Variants in CLK4 observed in about 807,000 individuals in gnomAD.
CLK4 encodes dual specificity protein kinase CLK4.
CLK4 carries 37 observed loss-of-function variants against 64.4 expected under a neutral mutation model. The ratio of observed to expected loss-of-function variants is 0.57; its 90% CI spans 0.44 to 0.76. The LOEUF (loss-of-function observed/expected upper bound fraction) is 0.76. CLK4 is among the 30% of genes least tolerant of loss of function. CLK4 has a pLI of 0.00. For synonymous variants in CLK4, 175 were observed against 191.6 expected, an observed-to-expected ratio of 0.91 and a Z score of 0.72; for missense variants, 457 against 605.1, an observed-to-expected ratio of 0.76 and a Z score of 2.57.
At position 178,617,109 on chromosome 5, in the gene CLK4, CAATT is replaced by C; in HGVS notation, c.476-165_476-162del. 1.5e-6 allele frequency: 1 copy of C among 652,704 alleles called. No homozygotes were observed. The highest frequency in any genetic ancestry group is 2.7e-6 in the Non-Finnish European group (1 of 370,736). 40.4% of individuals were successfully genotyped at this position (652,704 alleles called of 1,614,324 possible). On this transcript the variant is annotated intron_variant, in intron 4 of 12. Transcript: ENST00000316308. This position sits in a 1 kb window ranked among gnomAD's most constrained non-coding sequence, Gnocchi z 5.2. ...ATTTTAGTTTCAGCTGCTACAAAAA[CAATT>C]AGATAGAGCTATCTTTCTTGCTCTA...
intron 2 of CLK4, chr5:178,621,986 C>T (rs373435797): frequency 6.6e-6 from 1 of 152,274 alleles, no homozygotes; most frequent in East Asian, 1.9e-4. Context: ...ATGGTAAACG[C>T]TGACCACCAA....
chr5:178,622,521 T>A, intron 2 of CLK4: 27 of 605,164 alleles, frequency 4.5e-5, no homozygotes, highest in South Asian at 7.2e-5. Context: ...AATGAAAGAG[T>A]GAAAACTTAC....
chr5:178,615,204 T>A (rs1764611202), intron 5 of CLK4, among the ~76,000 whole-genome samples: 2 of 152,290 alleles, frequency 1.3e-5, no homozygotes, highest in Admixed American at 6.5e-5. Flanking sequence ...AAATTTTTTT[T>A]AAGATACATT....
intron 2 of CLK4, chr5:178,620,800 A>C: frequency 4.2e-6 from 1 of 238,526 alleles, no homozygotes; most frequent in South Asian, 4.3e-5. Context: ...AGGTTACAAC[A>C]CATGAGTGCT....
intron 1 of CLK4, among the ~76,000 whole-genome samples, chr5:178,625,594 A>G (rs1050274024): frequency 2.6e-5 from 4 of 151,966 alleles, no homozygotes; most frequent in Non-Finnish European, 4.4e-5. Context: ...TATTATTATG[A>G]CCCTCCATTA....
At chr5:178,620,283 C>A in intron 2 of CLK4, 1 of 243,008 alleles carries the variant, frequency 4.1e-6, no homozygotes, top group Non-Finnish European at 8.4e-6. Context: ...TAGACGTGAC[C>A]ATACTCTTAA....
At chr5:178,618,388 T>C in intron 3 of CLK4, 168 bp downstream of exon 3, 1 of 244,680 alleles carries the variant, frequency 4.1e-6, no homozygotes, top group Non-Finnish European at 7.4e-6. Context: ...ACAGATCAGC[T>C]ACAAGAATTT....
At position 178,618,728 on chromosome 5, in the gene CLK4, C is replaced by G; in HGVS notation, c.212G>C (p.Arg71Thr). The change falls in exon 3 of 13, where the codon AGA becomes ACA. Residue 71 changes from arginine to threonine, a missense_variant. Transcript: ENST00000316308. ...GTCATTCCTGTATTCGTCAACGTATCTCCGGTCCCGATAATCTCGCTCATT... is the reference window on the plus strand; with the variant it reads ...GTCATTCCTGTATTCGTCAACGTATGTCCGGTCCCGATAATCTCGCTCATT... The part of the protein sequence containing the change: ...SLNERDYRDR[R>T]YVDEYRNDYC... 6.2e-7 allele frequency: 1 copy of G among 1,613,876 alleles called. No individual in the cohort carries two copies. The highest frequency in any genetic ancestry group is 8.5e-7 in the Non-Finnish European group (1 of 1,179,890).
chr5:178,608,324 T>C, intron 10 of CLK4, 52 bp downstream of exon 10: 1 of 1,324,786 alleles, frequency 7.5e-7, no homozygotes, highest in Non-Finnish European at 1.1e-6. Context: ...AGCATACCTT[T>C]AACGTTTACA....
chr5:178,613,233 A>G (rs1283490959), intron 7 of CLK4, among the ~76,000 whole-genome samples: 2 of 152,174 alleles, frequency 1.3e-5, no homozygotes, highest in African/African-American at 4.8e-5. Context: ...CATCCTGGCT[A>G]ACACTGTGAA....
chr5:178,612,648 C>T (rs1581706960), intron 8 of CLK4, 103 bp from the exon 9 acceptor site: 3 of 1,311,174 alleles, frequency 2.3e-6, no homozygotes, highest in East Asian at 4.7e-5. Flanking sequence ...TCAAAGTAAG[C>T]TCATGAGAAA....
intron 5 of CLK4, among the ~76,000 whole-genome samples, chr5:178,614,822 T>A (rs1764604317): frequency 6.6e-6 from 1 of 152,234 alleles, no homozygotes; most frequent in Non-Finnish European, 1.5e-5. Context: ...TTTTTAATGC[T>A]TGGCATATAC....
intron 2 of CLK4, 32 bp downstream of exon 2, chr5:178,623,224 C>A: frequency 1.3e-6 from 2 of 1,585,176 alleles, no homozygotes; most frequent in South Asian, 1.1e-5. Context: ...ACTATTAGAG[C>A]TAAAATGCTA....
At chr5:178,605,595 A>G (rs924972274) in intron 10 of CLK4, among the ~76,000 whole-genome samples, 8 of 152,234 alleles carry the variant, frequency 5.3e-5, no homozygotes, top group African/African-American at 1.9e-4. Flanking sequence ...TTCACTTGTT[A>G]ACACTTACTA....
At chr5:178,612,307 T>C (rs1320176174) in intron 9 of CLK4, 109 bp downstream of exon 9, 1 of 988,762 alleles carries the variant, frequency 1.0e-6, no homozygotes, top group Non-Finnish European at 1.4e-6. Context: ...TAGAAAACGT[T>C]TTCTGAATCC....
In CLK4 at chr5:178,602,797, A is replaced by G. The variant is rs769005688; in HGVS notation, c.*820T>C. ...CACAGACATAAATTGCCTAATTAATAAACTTAATTCTTATAGGTTTACGTA... is the reference window on the plus strand; with the variant it reads ...CACAGACATAAATTGCCTAATTAATGAACTTAATTCTTATAGGTTTACGTA... On this transcript the variant is annotated 3_prime_UTR_variant, in exon 13 of 13. Coordinates refer to ENST00000316308, the MANE Select transcript of CLK4 (RefSeq NM_020666.3). The G allele has an allele frequency of 6.6e-6, 1 of 152,248 alleles. No homozygotes were observed. Among genetic ancestry groups the G allele is most frequent in the Non-Finnish European group, 1.5e-5 (1 of 68,052 alleles). The allele number at this position is 152,248 out of a possible 1,614,324, so 9.4% of individuals were successfully genotyped here.
In CLK4 at chr5:178,613,727, A is replaced by G. The variant is rs1764589605; in HGVS notation, c.659T>C (p.Phe220Ser). 1 of 1,611,146 alleles carries G rather than the reference A, an allele frequency of 6.2e-7. No homozygotes were observed. Residue 220 changes from phenylalanine (F) to serine (S), a missense_variant and splice_region_variant, in exon 6 of 13, where the codon TTC (phenylalanine) becomes TCC (serine). Transcript: ENST00000316308. ...HLNSTDPNSV[F>S]RCVQMLEWFD... ...GCTCCTAGGTGAAAGTTATACTTACAAGACACTATTGGGATCAGTACTATT... is the reference window on the plus strand; with the variant it reads ...GCTCCTAGGTGAAAGTTATACTTACGAGACACTATTGGGATCAGTACTATT...
At chr5:178,615,308 T>C (rs1764612845) in intron 5 of CLK4, among the ~76,000 whole-genome samples, 1 of 152,228 alleles carries the variant, frequency 6.6e-6, no homozygotes. Flanking sequence ...GCAGATTAGT[T>C]GGCAAAATTT....
Position 178,602,917 on chromosome 5 carries a change from A to G in CLK4, c.*700T>C, listed in dbSNP as rs958096516. On this transcript the variant is annotated 3_prime_UTR_variant, in exon 13 of 13. Transcript: ENST00000316308. The stretch of plus-strand genomic sequence containing the variant: ...ACCTCTCATCAGAATTTCTATTTTT[A>G]TATCTGTGACTCACCAAACATACTT... 6.6e-6 allele frequency: 1 copy of G among 152,188 alleles called. No homozygotes were observed. The highest frequency in any genetic ancestry group is 6.5e-5 in the Admixed American group (1 of 15,282). 9.4% of individuals were successfully genotyped at this position (152,188 alleles called of 1,614,324 possible). A position where few individuals can be genotyped will look rare whatever the true frequency, so the allele number is the denominator to read the frequency against.
Sources: gnomAD v4.1 joint callset for allele counts (sites outside exome capture counted in the v4.1 genomes callset) on GRCh38, gnomAD v4.1.1 for gene constraint, Gnocchi (gnomAD v3.1) non-coding constraint, MANE v1.5 for transcripts, NCBI Gene and HGNC (gene_info 2026-07-23, HGNC 2026-07-21) for gene names.